SGMS1: variants seen among roughly 807,000 people sequenced by gnomAD.
The protein encoded by SGMS1 is sphingomyelin synthase 1, also known as phosphatidylcholine:ceramide cholinephosphotransferase 1.
A neutral mutation model predicts 46.2 loss-of-function variants in SGMS1; 13 were observed. That is an observed-to-expected ratio of 0.28 (90% CI 0.18 to 0.45). The LOEUF is 0.45. SGMS1 is among the 20% of genes least tolerant of loss of function. The probability of loss-of-function intolerance (pLI) is 1.00; values close to 1 mark genes in which losing one functional copy is unlikely to be tolerated. For missense variants in SGMS1, 324 were observed against 519.9 expected (o/e 0.62, Z 3.66); for synonymous variants, 203 against 187.8 (o/e 1.08, Z -0.66).
At position 50,572,394 on chromosome 10, in the gene SGMS1, C is replaced by A. The variant is rs189042352; in HGVS notation, c.-589+17759G>T. Among the ~76,000 whole-genome samples, 61 of 152,262 alleles carry A rather than the reference C, an allele frequency of 4.0e-4. 1 individual carries two copies. The East Asian group carries it at 0.01, about 25-fold the overall frequency. ...TCTAACATTCTCATCCATTTGCCAA[C>A]ACCTAAAAAATTCACAATTCCTTGC... On this transcript the variant is annotated intron_variant, in intron 2 of 10. Transcript: ENST00000361781.
intron 8 of SGMS1, among the ~76,000 whole-genome samples, chr10:50,326,899 G>A (rs1847541055): frequency 6.6e-6 from 1 of 152,132 alleles, no homozygotes; most frequent in Non-Finnish European, 1.5e-5. Context: ...GGGAGAGGAA[G>A]CATATAAAAG....
chr10:50,596,653 T>C (rs1213147302), intron 1 of SGMS1, among the ~76,000 whole-genome samples: 1 of 152,120 alleles, frequency 6.6e-6, no homozygotes, highest in Non-Finnish European at 1.5e-5. Flanking sequence ...ACTAGAAAAG[T>C]GGCCAGGGAG....
intron 8 of SGMS1, among the ~76,000 whole-genome samples, chr10:50,318,257 A>T (rs1210536727): frequency 6.6e-6 from 1 of 152,066 alleles, no homozygotes; most frequent in East Asian, 1.9e-4. Flanking sequence ...TAGGAACAAC[A>T]ATGAGCATGA....
At chr10:50,520,704 T>C (rs1221766600) in intron 2 of SGMS1, among the ~76,000 whole-genome samples, 3 of 152,160 alleles carry the variant, frequency 2.0e-5, no homozygotes, top group African/African-American at 7.2e-5. Context: ...TAGATACTCA[T>C]AGATACGCCA....
intron 8 of SGMS1, among the ~76,000 whole-genome samples, chr10:50,316,680 A>G (rs917034253): frequency 6.6e-6 from 1 of 152,232 alleles, no homozygotes; most frequent in African/African-American, 2.4e-5. Flanking sequence ...TCCAGAATAG[A>G]AAATTCATTA....
At position 50,474,920 on chromosome 10, in the gene SGMS1, C is replaced by T. The variant is rs557482951; in HGVS notation, c.-497-7988G>A. Among the ~76,000 whole-genome samples, 38 of 152,228 alleles carry T rather than the reference C, an allele frequency of 2.5e-4. 1 individual carries two copies. The highest frequency in any genetic ancestry group is 3.4e-3 in the Middle Eastern group (1 of 294). ...ATAAGATATTGGATATATAAATATT[C>T]TTATTATTCAGGCTTTAACATAAAT... On this transcript the variant is annotated intron_variant, in intron 3 of 10. Coordinates refer to ENST00000361781, the MANE Select transcript of SGMS1 (RefSeq NM_147156.4).
At chr10:50,619,707 C>T (rs551802184) in intron 1 of SGMS1, among the ~76,000 whole-genome samples, 7 of 152,164 alleles carry the variant, frequency 4.6e-5, no homozygotes, top group South Asian at 2.1e-4. Flanking sequence ...CCTGTCTGTA[C>T]GTATAATGGT....
chr10:50,576,790 T>C (rs1050767970), intron 2 of SGMS1, among the ~76,000 whole-genome samples: 2 of 152,214 alleles, frequency 1.3e-5, no homozygotes, highest in African/African-American at 2.4e-5. Context: ...CTTCTGCCAA[T>C]AGAAGTGTGT....
At chr10:50,354,546 C>G (rs534360025) in intron 6 of SGMS1, among the ~76,000 whole-genome samples, 10 of 152,230 alleles carry the variant, frequency 6.6e-5, no homozygotes, top group Non-Finnish European at 1.3e-4. Context: ...AACTTCATGT[C>G]TAAAACACCA....
At chr10:50,512,250 G>A (rs1837762848) in intron 3 of SGMS1, among the ~76,000 whole-genome samples, 1 of 151,984 alleles carries the variant, frequency 6.6e-6, no homozygotes, top group Non-Finnish European at 1.5e-5. Context: ...TAGGAAACAA[G>A]ACTTCTCCAT....
chr10:50,417,070 A>G (rs1299363661), intron 6 of SGMS1, among the ~76,000 whole-genome samples: 2 of 152,146 alleles, frequency 1.3e-5, no homozygotes, highest in East Asian at 3.9e-4. Context: ...TGTTACTGGG[A>G]CGTCTTTAAC....
At chr10:50,498,236 CTT>C (rs1303172681) in intron 3 of SGMS1, among the ~76,000 whole-genome samples, 1 of 152,172 alleles carries the variant, frequency 6.6e-6, no homozygotes, top group Non-Finnish European at 1.5e-5. Context: ...GATAAAATCT[CTT>C]TTATCATTCA....
At chr10:50,606,979 CTT>C (rs1156272339) in intron 1 of SGMS1, among the ~76,000 whole-genome samples, 71 of 138,602 alleles carry the variant, frequency 5.1e-4, no homozygotes, top group Non-Finnish European at 5.1e-4. Context: ...TAGCATTGTA[CTT>C]TTTTTTTTTT....
At chr10:50,385,283 T>A (rs1318665487) in intron 6 of SGMS1, among the ~76,000 whole-genome samples, 1 of 152,150 alleles carries the variant, frequency 6.6e-6, no homozygotes, top group Non-Finnish European at 1.5e-5. Flanking sequence ...TTTTTACAGG[T>A]CCTAGAAAAC....
intron 2 of SGMS1, among the ~76,000 whole-genome samples, chr10:50,530,487 ATCT>A (rs1837942870): frequency 6.6e-6 from 1 of 152,192 alleles, no homozygotes; most frequent in Non-Finnish European, 1.5e-5. Flanking sequence ...GAGAAGCAGA[ATCT>A]TCTTTTTTTA....
At position 50,400,396 on chromosome 10, in the gene SGMS1, CATATATATATATATATATATAT is replaced by C. The variant is rs10524155; in HGVS notation, c.-232+33058_-232+33079del. Among the ~76,000 whole-genome samples the C allele has an allele frequency of 9.5e-3, 940 of 98,714 alleles. 14 individuals carry two copies. Among genetic ancestry groups the C allele is most frequent in the Non-Finnish European group, 0.014 (682 of 47,900 alleles). 64.8% of individuals were successfully genotyped at this position (98,714 alleles called of 152,430 possible). On this transcript the variant is annotated intron_variant, in intron 6 of 10. Transcript: ENST00000361781. The stretch of plus-strand genomic sequence containing the variant: ...ACAAGACCTATAGAACACATCCTGG[CATATATATATATATATATATAT>C]ATATATATATATATATATATATATA...
At chr10:50,445,344 T>C (rs1836997642) in intron 5 of SGMS1, among the ~76,000 whole-genome samples, 1 of 152,186 alleles carries the variant, frequency 6.6e-6, no homozygotes, top group African/African-American at 2.4e-5. Context: ...ACTTACCCAA[T>C]AATATACTTC....
chr10:50,517,102 C>T (rs563375060), intron 3 of SGMS1, among the ~76,000 whole-genome samples: 6 of 152,166 alleles, frequency 3.9e-5, no homozygotes, highest in Non-Finnish European at 7.3e-5. Flanking sequence ...GTAGCATCCT[C>T]CTGGCTCCTA....
At chr10:50,339,286 A>G (rs1180421624) in intron 7 of SGMS1, among the ~76,000 whole-genome samples, 2 of 152,086 alleles carry the variant, frequency 1.3e-5, no homozygotes, top group East Asian at 3.9e-4. Flanking sequence ...AGCCACATGG[A>G]CCCTTGACCG....
Sources: allele counts gnomAD v4.1 joint callset (sites outside exome capture counted in the v4.1 genomes callset), GRCh38; gene constraint gnomAD v4.1.1; transcripts MANE v1.5; gene names NCBI Gene and HGNC (gene_info 2026-07-23, HGNC 2026-07-21).